Variants in AUTS2 observed in about 807,000 individuals in gnomAD.
AUTS2 encodes activator of transcription and developmental regulator AUTS2.
Under a neutral mutation model 112.4 loss-of-function variants are expected in AUTS2, and 17 were observed. That is an observed-to-expected ratio of 0.15 (90% CI 0.10 to 0.23). AUTS2 has a LOEUF of 0.23. Among genes scored for constraint, AUTS2 ranks in the 10% least tolerant of loss-of-function variants. The pLI, the probability that AUTS2 is intolerant of heterozygous loss-of-function variation, is 1.00. For synonymous variants in AUTS2, 751 were observed against 702.7 expected (o/e 1.07, Z -1.09); for missense variants, 1,510 against 1,701.6 (o/e 0.89, Z 1.98).
At chr7:70,095,525 A>C (rs1292724766) in intron 2 of AUTS2, among the ~76,000 whole-genome samples, 1 of 152,194 alleles carries the variant, frequency 6.6e-6, no homozygotes, top group Non-Finnish European at 1.5e-5. Flanking sequence ...GAATATGTAC[A>C]TTCACTTAAC....
At chr7:70,023,434 T>C (rs1584594335) in intron 2 of AUTS2, among the ~76,000 whole-genome samples, 1 of 152,082 alleles carries the variant, frequency 6.6e-6, no homozygotes, top group South Asian at 2.1e-4. Flanking sequence ...GAGCGGATGG[T>C]ATATTGATGG....
chr7:70,463,563 C>G (rs543339477), intron 5 of AUTS2, among the ~76,000 whole-genome samples: 32 of 152,316 alleles, frequency 2.1e-4, no homozygotes, highest in African/African-American at 7.2e-4. Context: ...CCTCTGATGG[C>G]TGATAAGCTT....
intron 4 of AUTS2, among the ~76,000 whole-genome samples, chr7:70,218,819 GA>G (rs1299802870): frequency 1.3e-5 from 2 of 152,084 alleles, no homozygotes; most frequent in Non-Finnish European, 2.9e-5. Flanking sequence ...CCATCAGCCA[GA>G]ACCTACCTTC....
intron 5 of AUTS2, among the ~76,000 whole-genome samples, chr7:70,614,087 A>C (rs1804232031): frequency 6.6e-6 from 1 of 152,172 alleles, no homozygotes; most frequent in Non-Finnish European, 1.5e-5. Flanking sequence ...AACCAGTTTG[A>C]AGTCAGAGAT....
intron 6 of AUTS2, among the ~76,000 whole-genome samples, chr7:70,712,790 C>CT (rs1183556206): frequency 4.6e-5 from 7 of 151,930 alleles, no homozygotes; most frequent in East Asian, 1.9e-4. Context: ...GTTGGGCAGC[C>CT]TTTTTTTTGG....
chr7:70,089,012 A>C (rs1024461086), intron 2 of AUTS2, among the ~76,000 whole-genome samples: 18 of 152,206 alleles, frequency 1.2e-4, no homozygotes, highest in African/African-American at 3.4e-4. Flanking sequence ...TTTGTGACTC[A>C]GACTATGGTC....
chr7:70,138,754 C>T lies in AUTS2; in HGVS notation c.660+4183C>T, dbSNP rs566148627. On this transcript the variant is annotated intron_variant, in intron 4 of 18. Coordinates refer to ENST00000342771, the MANE Select transcript of AUTS2 (RefSeq NM_015570.4). ...TTGTGTAGTGGTATACATCTTCAGA[C>T]GGGATTTGTATAATTATTGTTTTCC... is the stretch of plus-strand genomic sequence containing the variant. 6.6e-5 allele frequency among the ~76,000 whole-genome samples: 10 copies of T among 152,218 alleles called. No individual in the cohort carries two copies. In the East Asian group the frequency reaches 9.7e-4, roughly 15 times the overall value.
chr7:70,734,357 A>G (rs1787652635), intron 6 of AUTS2, among the ~76,000 whole-genome samples: 2 of 152,022 alleles, frequency 1.3e-5, no homozygotes, highest in South Asian at 2.1e-4. Flanking sequence ...GGAGAATGGC[A>G]TGAACCTGGG....
intron 5 of AUTS2, among the ~76,000 whole-genome samples, chr7:70,612,961 G>A (rs1804171828): frequency 6.6e-6 from 1 of 152,108 alleles, no homozygotes; most frequent in Admixed American, 6.5e-5. Flanking sequence ...AGAGATTTAT[G>A]TGGAGGTCTG....
chr7:69,948,501 A>T (rs1796901877), intron 2 of AUTS2, among the ~76,000 whole-genome samples: 1 of 152,176 alleles, frequency 6.6e-6, no homozygotes. Context: ...CCATTGTATT[A>T]CTTATGCTTT....
chr7:69,932,639 T>G (rs554155042), intron 2 of AUTS2, among the ~76,000 whole-genome samples: 4 of 152,346 alleles, frequency 2.6e-5, no homozygotes, highest in Admixed American at 2.0e-4. Flanking sequence ...TTCTGTTGAT[T>G]AGTACAGTTT....
chr7:69,964,295 G>A (rs1390674948), intron 2 of AUTS2, among the ~76,000 whole-genome samples: 1 of 152,140 alleles, frequency 6.6e-6, no homozygotes, highest in Non-Finnish European at 1.5e-5. Flanking sequence ...TATCACTGTA[G>A]TGTTTGATCC....
intron 1 of AUTS2, among the ~76,000 whole-genome samples, chr7:69,746,588 A>C (rs1787505399): frequency 6.6e-6 from 1 of 152,282 alleles, no homozygotes; most frequent in South Asian, 2.1e-4. Context: ...GGGTGGAGAC[A>C]CTGCAAGGTA....
intron 2 of AUTS2, among the ~76,000 whole-genome samples, chr7:69,936,003 G>A (rs1796395301): frequency 6.6e-6 from 1 of 152,280 alleles, no homozygotes; most frequent in Non-Finnish European, 1.5e-5. Flanking sequence ...CTGAATTTGT[G>A]CGGCAGGGAA....
chr7:70,762,204 G>GA lies in AUTS2; in HGVS notation c.743-661dup, dbSNP rs556113596. Among the ~76,000 whole-genome samples, 423 of 152,308 alleles carry GA rather than the reference G, an allele frequency of 2.8e-3. 1 individual carries two copies. Among genetic ancestry groups the GA allele is most frequent in the South Asian group, 7.7e-3 (37 of 4,818 alleles). On this transcript the variant is annotated intron_variant, in intron 6 of 18. Transcript: ENST00000342771. ...CAACAAATGTATTTGTTTTAAAAGG[G>GA]AAAAATCAACTTGTCAACTATTGTT...
intron 5 of AUTS2, among the ~76,000 whole-genome samples, chr7:70,677,501 C>G (rs970420192): frequency 2.6e-5 from 4 of 152,162 alleles, no homozygotes; most frequent in Non-Finnish European, 5.9e-5. Context: ...GCCACACACT[C>G]GTGCGTTCCT....
intron 4 of AUTS2, among the ~76,000 whole-genome samples, chr7:70,221,079 A>G (rs1811458955): frequency 6.6e-6 from 1 of 152,078 alleles, no homozygotes; most frequent in Non-Finnish European, 1.5e-5. Flanking sequence ...CTAATTGTAA[A>G]TAATGTTTTG....
intron 1 of AUTS2, among the ~76,000 whole-genome samples, chr7:69,802,772 C>G (rs1790141112): frequency 6.6e-6 from 1 of 152,154 alleles, no homozygotes; most frequent in African/African-American, 2.4e-5. Flanking sequence ...GGGTTTAATG[C>G]TCCTTAGGAC....
At chr7:70,362,930 C>T (rs969311027) in intron 4 of AUTS2, among the ~76,000 whole-genome samples, 3 of 152,022 alleles carry the variant, frequency 2.0e-5, no homozygotes, top group South Asian at 2.1e-4. Flanking sequence ...CAGTAAGAGA[C>T]GGGTGTTAAA....
Sources: gnomAD v4.1 joint callset for allele counts (sites outside exome capture counted in the v4.1 genomes callset) on GRCh38, gnomAD v4.1.1 for gene constraint, MANE v1.5 for transcripts, NCBI Gene and HGNC (gene_info 2026-07-23, HGNC 2026-07-21) for gene names.